Variants in CELSR1 observed in about 807,000 individuals in gnomAD.
The protein encoded by CELSR1 is adhesion G protein-coupled receptor C1.
Under a neutral mutation model 249.1 loss-of-function variants are expected in CELSR1, and 110 were observed. The observed-to-expected ratio is 0.44, with a 90% CI of 0.38 to 0.52. The LOEUF (loss-of-function observed/expected upper bound fraction) is 0.52, where lower values mean the gene tolerates loss of function less well. Among genes scored for constraint, CELSR1 ranks in the 20% least tolerant of loss-of-function variants. The probability of loss-of-function intolerance (pLI) is 0.00; values close to 1 mark genes in which losing one functional copy is unlikely to be tolerated. For synonymous variants in CELSR1, 2,113 were observed against 1,900.0 expected (o/e 1.11, Z -2.92); for missense variants, 4,109 against 4,296.4 (o/e 0.96, Z 1.22).
In CELSR1 at chr22:46,370,222, T is replaced by C. The variant is rs141033899; in HGVS notation, c.7760-418A>G. 52 of 445,166 alleles carry C rather than the reference T, an allele frequency of 1.2e-4. No homozygotes were observed. The East Asian group carries it at 3.5e-3, about 30-fold the overall frequency. The allele number at this position is 445,166 out of a possible 1,614,324, so 27.6% of individuals were successfully genotyped here. A position where few individuals can be genotyped will look rare whatever the true frequency, so the allele number is the denominator to read the frequency against. ...GCAAGGGATGAGGCTCCAAAACAGA[T>C]GGAGGACGGCGTCACCTACAGGGCC... On this transcript the variant is annotated intron_variant, in intron 25 of 34. Transcript: ENST00000674500.
chr22:46,534,975 G>A lies in CELSR1; in HGVS notation c.2196C>T (p.Arg732=). 3 of 1,612,200 alleles carry A rather than the reference G, an allele frequency of 1.9e-6. No individual in the cohort carries two copies. The highest frequency in any genetic ancestry group is 2.5e-6 in the Non-Finnish European group (3 of 1,179,688). ...YQLTGGNTRN[R]FALSSQRGGG... ...CCCCTCTCTGGCTGCTGAGTGCAAA[G>A]CGGTTCCGGGTGTTGCCGCCTGTGA... The change falls in exon 1 of 35, where the codon CGC becomes CGT. Residue 732 remains arginine (R), a synonymous_variant. Transcript: ENST00000674500. The surrounding 1 kb of genome is among the most constrained non-coding windows in gnomAD (Gnocchi z 9.7).
At chr22:46,438,647 C>T (rs1004067316) in intron 3 of CELSR1, among the ~76,000 whole-genome samples, 1 of 152,112 alleles carries the variant, frequency 6.6e-6, no homozygotes, top group African/African-American at 2.4e-5. Context: ...TTTAATTAAA[C>T]GTTATTGGAG....
At chr22:46,431,011 C>A (rs2079589121) in intron 5 of CELSR1, among the ~76,000 whole-genome samples, 1 of 152,212 alleles carries the variant, frequency 6.6e-6, no homozygotes, top group Non-Finnish European at 1.5e-5. Flanking sequence ...TAACCTCAGG[C>A]AAGAGAGAGA....
chr22:46,461,402 A>G (rs181067808), intron 2 of CELSR1, among the ~76,000 whole-genome samples: 8 of 152,340 alleles, frequency 5.3e-5, no homozygotes, highest in African/African-American at 1.7e-4. Context: ...GTTCCCCCCA[A>G]TGGGTCAATC....
At chr22:46,505,560 C>T (rs1387091129) in intron 1 of CELSR1, among the ~76,000 whole-genome samples, 1 of 151,938 alleles carries the variant, frequency 6.6e-6, no homozygotes, top group East Asian at 1.9e-4. Flanking sequence ...GTGGAGGCTG[C>T]ACTGAGTCAA....
rs1421570593 is a variant in CELSR1, at chr22:46,379,945, T to C, written c.7256+843A>G. Among the ~76,000 whole-genome samples the C allele has an allele frequency of 2.0e-5, 3 of 152,170 alleles. 1 individual carries two copies. Among genetic ancestry groups the C allele is most frequent in the South Asian group, 4.1e-4 (2 of 4,828 alleles). ...CCACCACACCCCCGTTCCAGTGCCTTCTTCTAAACAGAGACAGCAAAAGTG... is the reference window on the plus strand; with the variant it reads ...CCACCACACCCCCGTTCCAGTGCCTCCTTCTAAACAGAGACAGCAAAAGTG... On this transcript the variant is annotated intron_variant, in intron 22 of 34. Transcript: ENST00000674500.
chr22:46,499,726 G>A (rs1041419558), intron 1 of CELSR1, among the ~76,000 whole-genome samples: 13 of 152,072 alleles, frequency 8.5e-5, no homozygotes, highest in South Asian at 2.1e-4. Context: ...GCAGCTTCCC[G>A]CGTGCTCCTG....
chr22:46,467,421 C>A (rs1270758481), intron 1 of CELSR1, among the ~76,000 whole-genome samples: 1 of 152,018 alleles, frequency 6.6e-6, no homozygotes, highest in Non-Finnish European at 1.5e-5. Context: ...ATAAGTGTGT[C>A]CAAAATATGC....
rs1051546245 is a variant in CELSR1, at chr22:46,488,536, G to A, written c.3545-24191C>T. 1.3e-5 allele frequency among the ~76,000 whole-genome samples: 2 copies of A among 152,210 alleles called. No individual in the cohort carries two copies. Among genetic ancestry groups the A allele is most frequent in the African/African-American group, 4.8e-5 (2 of 41,442 alleles). Reference sequence around the variant, plus strand: ...AAGGCTGGACTCGGCACAGGCCAGAGGGAAGCCCCACAGGCCTAGCTGAGG... The same window carrying A: ...AAGGCTGGACTCGGCACAGGCCAGAAGGAAGCCCCACAGGCCTAGCTGAGG... On this transcript the variant is annotated intron_variant, in intron 1 of 34. Transcript: ENST00000674500. This position sits in a 1 kb window ranked among gnomAD's most constrained non-coding sequence, Gnocchi z 4.7.
intron 1 of CELSR1, among the ~76,000 whole-genome samples, chr22:46,507,718 G>T (rs959477293): frequency 1.6e-4 from 24 of 152,190 alleles, no homozygotes; most frequent in African/African-American, 5.5e-4. Flanking sequence ...TGGCTGTGCC[G>T]CCCGAAGCCC....
chr22:46,373,866 T>G (rs1264153390), intron 24 of CELSR1, among the ~76,000 whole-genome samples: 1 of 152,080 alleles, frequency 6.6e-6, no homozygotes, highest in Non-Finnish European at 1.5e-5. Context: ...AGATACCCTT[T>G]AACAGACACA....
At chr22:46,501,934 C>T (rs58542948) in intron 1 of CELSR1, among the ~76,000 whole-genome samples, 66,399 of 151,808 alleles carry the variant, frequency 0.44, 15,790 homozygotes, top group East Asian at 0.85. Context: ...GCAGAGGAAG[C>T]TCATTACATT....
In CELSR1 at chr22:46,537,097, C is replaced by A; in HGVS notation, c.74G>T (p.Gly25Val). Residue 25 changes from glycine (G) to valine (V), a missense_variant, in exon 1 of 35, where the codon GGG (glycine) becomes GTG (valine). This residue lies in a region of CELSR1 where 673 missense variants were observed against 636.8 expected (regional missense o/e 1.06). Coordinates refer to ENST00000674500, the MANE Select transcript of CELSR1 (RefSeq NM_001378328.1). The surrounding 1 kb of genome is among the most constrained non-coding windows in gnomAD (Gnocchi z 5.8). ...LAAAAALPAM[G>V]LRAAAWEPRV... ...CGGCTCCCAGGCGGCCGCTCGCAGC[C>A]CCATCGCCGGCAGGGCGGCGGCGGC... The A allele has an allele frequency of 9.6e-7, 1 of 1,042,116 alleles. No individual in the cohort carries two copies. Among genetic ancestry groups the A allele is most frequent in the South Asian group, 4.4e-5 (1 of 22,816 alleles). 64.6% of individuals were successfully genotyped at this position (1,042,116 alleles called of 1,614,324 possible).
intron 9 of CELSR1, among the ~76,000 whole-genome samples, chr22:46,400,582 A>G (rs918123670): frequency 6.6e-6 from 1 of 152,242 alleles, no homozygotes; most frequent in Non-Finnish European, 1.5e-5. Flanking sequence ...TAGAGGTTGC[A>G]GTGAGCCGAG....
chr22:46,506,663 A>G lies in CELSR1; in HGVS notation c.3544+26964T>C, dbSNP rs1434042166. On this transcript the variant is annotated intron_variant, in intron 1 of 34. Transcript: ENST00000674500. The surrounding 1 kb of genome is among the most constrained non-coding windows in gnomAD (Gnocchi z 4.1). ...TACATTCTAGATCAGTTTTCAGGGC[A>G]TACCCTCCCTACCCGCAGTGACGCA... Among the ~76,000 whole-genome samples the G allele has an allele frequency of 6.6e-6, 1 of 152,180 alleles. No individual in the cohort carries two copies. The highest frequency in any genetic ancestry group is 1.5e-5 in the Non-Finnish European group (1 of 68,036).
At chr22:46,477,292 G>A (rs148188347) in intron 1 of CELSR1, among the ~76,000 whole-genome samples, 24 of 152,290 alleles carry the variant, frequency 1.6e-4, no homozygotes, top group Non-Finnish European at 2.8e-4. Flanking sequence ...GGCACCAGCC[G>A]GGACTTCGAC....
chr22:46,438,034 AGT>A (rs778726913), intron 3 of CELSR1, among the ~76,000 whole-genome samples: 2 of 152,152 alleles, frequency 1.3e-5, no homozygotes, highest in Non-Finnish European at 2.9e-5. Flanking sequence ...GGGCGGTGTC[AGT>A]GTCAAACAGT....
chr22:46,364,560 C>T lies in CELSR1; in HGVS notation c.8731G>A (p.Gly2911Arg), dbSNP rs373611831. ...RGEYPPDQES[G>R]GAARLASSQP... The stretch of plus-strand genomic sequence containing the variant: ...CTGCTAGCAAGCCTGGCTGCGCCCC[C>T]GCTCTCCTGGTCCGGGGGGTACTCT... Residue 2911 changes from glycine to arginine, a missense_variant, in exon 33 of 35, where the codon GGG becomes AGG. By Grantham distance (125) the Gly-to-Arg change is moderately radical. Around this residue, in one of 7 missense-constraint regions of CELSR1, gnomAD observed 1,805 missense variants for 1,831.6 expected, o/e 0.99. Transcript: ENST00000674500. The T allele has an allele frequency of 2.1e-5, 34 of 1,612,220 alleles. No individual in the cohort carries two copies. The Middle Eastern group carries it at 5.1e-4, about 24-fold the overall frequency.
At position 46,391,061 on chromosome 22, in the gene CELSR1, T is replaced by C; in HGVS notation, c.6250+125A>G. 1.3e-6 allele frequency: 1 copy of C among 743,860 alleles called. No homozygotes were observed. The highest frequency in any genetic ancestry group is 1.8e-5 in the South Asian group (1 of 56,614). 46.1% of individuals were successfully genotyped at this position (743,860 alleles called of 1,614,324 possible). On this transcript the variant is annotated intron_variant, in intron 16 of 34. Coordinates refer to ENST00000674500, the MANE Select transcript of CELSR1 (RefSeq NM_001378328.1). The surrounding 1 kb of genome is among the most constrained non-coding windows in gnomAD (Gnocchi z 4.3). ...GGTAGGGAAAAGGCGATCGGATTTC[T>C]CCCCAGCACTTTGCCTGCGGATATT...
Sources: gnomAD v4.1 joint callset for allele counts (sites outside exome capture counted in the v4.1 genomes callset) on GRCh38, gnomAD v4.1.1 for gene constraint, gnomAD v4.1.1 regional missense constraint, Gnocchi (gnomAD v3.1) non-coding constraint, MANE v1.5 for transcripts, NCBI Gene and HGNC (gene_info 2026-07-23, HGNC 2026-07-21) for gene names.